Variants in AIDA observed in about 807,000 individuals in gnomAD.
AIDA encodes axin interactor, dorsalization-associated protein.
In AIDA, 18 loss-of-function variants were observed where a neutral mutation model predicts 42.7. The observed-to-expected ratio is 0.42, with a 90% confidence interval of 0.29 to 0.63. The LOEUF is 0.63. AIDA is among the 20% of genes least tolerant of loss of function. AIDA has a pLI of 0.19. For synonymous variants in AIDA, 104 were observed against 122.9 expected (o/e 0.85, Z 1.02); for missense variants, 250 against 354.1 (o/e 0.71, Z 2.36).
chr1:222,706,348 T>C (rs945022172), intron 1 of AIDA, among the ~76,000 whole-genome samples: 3 of 152,142 alleles, frequency 2.0e-5, no homozygotes, highest in African/African-American at 7.2e-5. Flanking sequence ...TGAAAATATA[T>C]GTCCATGCAA....
At chr1:222,704,846 G>A (rs1215350448) in intron 1 of AIDA, among the ~76,000 whole-genome samples, 1 of 151,942 alleles carries the variant, frequency 6.6e-6, no homozygotes, top group African/African-American at 2.4e-5. Flanking sequence ...GAAAAAACTG[G>A]CATAAGAATT....
At chr1:222,675,495 C>T (rs1287104565) in intron 7 of AIDA, among the ~76,000 whole-genome samples, 2 of 152,214 alleles carry the variant, frequency 1.3e-5, no homozygotes, top group African/African-American at 4.8e-5. Context: ...TGCTTCCTAA[C>T]CACAGTAACA....
chr1:222,706,736 G>A (rs1655848442), intron 1 of AIDA, among the ~76,000 whole-genome samples: 1 of 151,534 alleles, frequency 6.6e-6, no homozygotes, highest in Admixed American at 6.6e-5. Flanking sequence ...CAGGCGTGGT[G>A]ATGCGCACCT....
intron 1 of AIDA, among the ~76,000 whole-genome samples, chr1:222,707,201 A>G (rs1480235820): frequency 2.0e-5 from 3 of 152,164 alleles, no homozygotes; most frequent in African/African-American, 7.2e-5. Context: ...CAACTTGGGC[A>G]GGCTGGAGTG....
chr1:222,693,755 G>A (rs1655438651), intron 4 of AIDA, 34 bp downstream of exon 4: 1 of 1,522,826 alleles, frequency 6.6e-7, no homozygotes, highest in African/African-American at 1.4e-5. Flanking sequence ...TTTTTCCAAA[G>A]GAGTATCACA....
intron 4 of AIDA, among the ~76,000 whole-genome samples, chr1:222,689,522 C>CAT (rs1655303392): frequency 3.5e-5 from 2 of 57,378 alleles, no homozygotes; most frequent in Admixed American, 1.6e-4. Context: ...TATATATATA[C>CAT]ACACATACAC....
rs1656114659 is a variant in AIDA, at chr1:222,712,449, C to T, written c.-132G>A. 1.4e-6 allele frequency: 2 copies of T among 1,435,804 alleles called. No homozygotes were observed. Among genetic ancestry groups the T allele is most frequent in the South Asian group, 1.5e-5 (1 of 67,374 alleles). The allele number at this position is 1,435,804 out of a possible 1,614,324, so 88.9% of individuals were successfully genotyped here. On this transcript the variant is annotated 5_prime_UTR_variant, in exon 1 of 10. Transcript: ENST00000340020. ...CGCTACGGCCACCACCGCCACCCGC[C>T]GAGGAGCCGCCCAAGCCCATTTGCC...
intron 6 of AIDA, among the ~76,000 whole-genome samples, chr1:222,676,965 G>T (rs188996789): frequency 1.6e-3 from 233 of 149,320 alleles, no homozygotes; most frequent in Middle Eastern, 3.5e-3. Flanking sequence ...CGTTGAAATT[G>T]CAATGAAGTT....
chr1:222,706,854 CAAAA>C (rs767799244), intron 1 of AIDA, among the ~76,000 whole-genome samples: 2 of 72,094 alleles, frequency 2.8e-5, no homozygotes, highest in Admixed American at 1.6e-4. Flanking sequence ...GACTGCGCCT[CAAAA>C]AAAAAAAAAA....
chr1:222,699,270 AAAC>A (rs1376816654), intron 2 of AIDA, among the ~76,000 whole-genome samples: 5 of 152,254 alleles, frequency 3.3e-5, no homozygotes, highest in African/African-American at 1.2e-4. Flanking sequence ...TAAAAAACAT[AAAC>A]AACAATTTTG....
At chr1:222,689,029 G>A (rs1034276586) in intron 4 of AIDA, among the ~76,000 whole-genome samples, 6 of 151,972 alleles carry the variant, frequency 3.9e-5, no homozygotes, top group African/African-American at 1.2e-4. Context: ...TCCTGACCCC[G>A]TGTAGGCCTA....
At chr1:222,671,424 C>T (rs1357460410) in intron 8 of AIDA, among the ~76,000 whole-genome samples, 2 of 152,200 alleles carry the variant, frequency 1.3e-5, no homozygotes, top group Non-Finnish European at 2.9e-5. Context: ...CCAGCTACTT[C>T]TAAATACTGC....
intron 1 of AIDA, among the ~76,000 whole-genome samples, chr1:222,709,701 C>T (rs1023995101): frequency 1.3e-5 from 2 of 152,136 alleles, no homozygotes; most frequent in African/African-American, 2.4e-5. Context: ...TACGAGAGCC[C>T]TAAGGCAGAA....
Position 222,702,376 on chromosome 1 carries a change from C to CT in AIDA, c.180+771dup, listed in dbSNP as rs555727410. 1.5e-3 allele frequency among the ~76,000 whole-genome samples: 226 copies of CT among 151,456 alleles called. 6 individuals carry two copies. The South Asian group carries it at 0.021, about 14-fold the overall frequency. On this transcript the variant is annotated intron_variant, in intron 2 of 9. Transcript: ENST00000340020. The stretch of plus-strand genomic sequence containing the variant: ...TTAAGAGATGGGGAATAGACTGACA[C>CT]TTTTTTTTTCATTATCTACAAGATT...
intron 1 of AIDA, 82 bp downstream of exon 1, chr1:222,712,126 G>T: frequency 6.5e-7 from 1 of 1,542,716 alleles, no homozygotes; most frequent in Admixed American, 2.0e-5. Flanking sequence ...CTGCAGATAC[G>T]GTGATGAGAG....
chr1:222,710,780 A>G (rs1655984607), intron 1 of AIDA, among the ~76,000 whole-genome samples: 1 of 152,160 alleles, frequency 6.6e-6, no homozygotes, highest in African/African-American at 2.4e-5. Context: ...AATCTGTTTA[A>G]CCTGAGCTTC....
At chr1:222,673,561 G>C in intron 7 of AIDA, 126 bp from the exon 8 acceptor site, 1 of 578,810 alleles carries the variant, frequency 1.7e-6, no homozygotes, top group Non-Finnish European at 2.7e-6. Context: ...CAGATGACAA[G>C]GTCAGGAGAT....
rs928821277 is a variant in AIDA at position 222,670,574 on chromosome 1, A to G, written c.707-324T>C. Among the ~76,000 whole-genome samples the G allele has an allele frequency of 2.0e-5, 3 of 152,244 alleles. No homozygotes were observed. The East Asian group carries it at 5.8e-4, about 29-fold the overall frequency. ...TGCTATAAAATATGAAATGCCACAG[A>G]AGAACAGAGAAGATACTTCAATACA... On this transcript the variant is annotated intron_variant, in intron 8 of 9. Coordinates refer to ENST00000340020, the MANE Select transcript of AIDA (RefSeq NM_022831.4).
intron 6 of AIDA, among the ~76,000 whole-genome samples, chr1:222,684,054 T>C (rs1015517192): frequency 2.0e-5 from 3 of 152,124 alleles, no homozygotes; most frequent in African/African-American, 7.2e-5. Context: ...TTAACAGTGG[T>C]AGTGGTTAGT....
Sources: allele counts gnomAD v4.1 joint callset (sites outside exome capture counted in the v4.1 genomes callset), GRCh38; gene constraint gnomAD v4.1.1; transcripts MANE v1.5; gene names NCBI Gene and HGNC (gene_info 2026-07-23, HGNC 2026-07-21).